The following AGMO variants were observed in gnomAD, a reference collection of about 807,000 sequenced individuals.
AGMO encodes alkylglycerol monooxygenase.
A neutral mutation model predicts 60.2 loss-of-function variants in AGMO; 75 were observed. That is an observed-to-expected ratio of 1.25 (90% CI 1.03 to 1.51). The LOEUF (loss-of-function observed/expected upper bound fraction) is 1.51. Ranked by LOEUF, AGMO falls within the 40% of genes most tolerant of loss-of-function variation. The pLI is 0.00. For missense variants in AGMO, 763 were observed against 525.5 expected (o/e 1.45, Z -4.42); for synonymous variants, 261 against 177.1 (o/e 1.47, Z -3.76).
intron 12 of AGMO, among the ~76,000 whole-genome samples, chr7:15,218,368 G>A (rs1488308216): frequency 1.0e-5 from 1 of 99,152 alleles, no homozygotes; most frequent in Non-Finnish European, 2.2e-5. Flanking sequence ...TGTGTATTTT[G>A]TGAATTTTTG....
chr7:15,233,790 A>G (rs6461162), intron 12 of AGMO, among the ~76,000 whole-genome samples: 99,462 of 152,022 alleles, frequency 0.65, 33,305 homozygotes, highest in African/African-American at 0.79. Context: ...AGTGGCTCAC[A>G]CCTGTAATCC....
intron 12 of AGMO, among the ~76,000 whole-genome samples, chr7:15,218,121 AGAT>A (rs1298613330): frequency 6.6e-6 from 1 of 152,176 alleles, no homozygotes; most frequent in Admixed American, 6.6e-5. Context: ...TAAATGCTGT[AGAT>A]GATAAAAATG....
At chr7:15,243,709 C>T (rs988896716) in intron 12 of AGMO, among the ~76,000 whole-genome samples, 4 of 152,042 alleles carry the variant, frequency 2.6e-5, no homozygotes, top group Non-Finnish European at 4.4e-5. Flanking sequence ...AGTCATCAAA[C>T]CCCAGAAATA....
the AGMO span, among the ~76,000 whole-genome samples, chr7:15,134,175 C>G: frequency 2.6e-5 from 4 of 151,644 alleles, no homozygotes; most frequent in Non-Finnish European, 5.9e-5. Context: ...TTTCTTTTTT[C>G]TTTTCTGAGA....
intron 12 of AGMO, among the ~76,000 whole-genome samples, chr7:15,299,917 TCTTA>T (rs1358288162): frequency 4.6e-5 from 7 of 151,386 alleles, no homozygotes; most frequent in Admixed American, 1.3e-4. Context: ...TATCCTTTCC[TCTTA>T]CTTAGCAGAC....
At chr7:15,369,887 CTG>C (rs746559880) in intron 10 of AGMO, among the ~76,000 whole-genome samples, 9 of 152,170 alleles carry the variant, frequency 5.9e-5, no homozygotes, top group South Asian at 2.1e-4. Flanking sequence ...TTTGGGAAAA[CTG>C]AATCTATTTC....
the AGMO span, among the ~76,000 whole-genome samples, chr7:15,171,342 T>G: frequency 6.6e-6 from 1 of 152,188 alleles, no homozygotes; most frequent in African/African-American, 2.4e-5. Flanking sequence ...ACACATTCTA[T>G]CAAGGGTACA....
chr7:15,350,595 T>G (rs28758258), intron 12 of AGMO, among the ~76,000 whole-genome samples: 33,665 of 151,982 alleles, frequency 0.22, 3,906 homozygotes, highest in African/African-American at 0.25. Flanking sequence ...TTCTCCCAAG[T>G]GAGAATGTTT....
the AGMO span, among the ~76,000 whole-genome samples, chr7:15,179,279 C>G: frequency 6.6e-6 from 1 of 152,074 alleles, no homozygotes; most frequent in Non-Finnish European, 1.5e-5. Context: ...TCATCTGAAT[C>G]AAATATGAGT....
At chr7:15,312,006 A>G (rs1183790815) in intron 12 of AGMO, among the ~76,000 whole-genome samples, 2 of 152,242 alleles carry the variant, frequency 1.3e-5, no homozygotes, top group East Asian at 1.9e-4. Context: ...AGCATTTGTG[A>G]GCTGTTATGA....
At chr7:15,544,718 T>C (rs1454210928) in intron 3 of AGMO, 54 bp downstream of exon 3, 10 of 1,381,682 alleles carry the variant, frequency 7.2e-6, no homozygotes, top group East Asian at 2.5e-5. Context: ...ATATGTACTA[T>C]GTACCAAACA....
intron 3 of AGMO, among the ~76,000 whole-genome samples, chr7:15,499,932 C>CATATAT (rs1554279782): frequency 2.9e-5 from 4 of 138,986 alleles, no homozygotes; most frequent in South Asian, 2.2e-4. Context: ...CACACACACA[C>CATATAT]ATATATATAT....
chr7:15,368,612 A>T (rs980183385), intron 10 of AGMO, among the ~76,000 whole-genome samples: 5 of 152,146 alleles, frequency 3.3e-5, no homozygotes, highest in African/African-American at 1.2e-4. Flanking sequence ...TACTTAAAAG[A>T]GTGTTTGGCA....
At chr7:15,395,492 G>A (rs188524024) in intron 5 of AGMO, among the ~76,000 whole-genome samples, 41 of 152,188 alleles carry the variant, frequency 2.7e-4, no homozygotes, top group Admixed American at 2.4e-3. Flanking sequence ...TATTTTCATT[G>A]GGAGTTATAA....
chr7:15,122,275 C>G, the AGMO span, among the ~76,000 whole-genome samples: 2 of 151,998 alleles, frequency 1.3e-5, no homozygotes, highest in Non-Finnish European at 2.9e-5. Flanking sequence ...CTTTCTTAAT[C>G]TACTTTGTTC....
At chr7:15,367,277 C>A (rs184699753) in intron 10 of AGMO, among the ~76,000 whole-genome samples, 1 of 151,798 alleles carries the variant, frequency 6.6e-6, no homozygotes, top group African/African-American at 2.4e-5. Flanking sequence ...TCTTTTGAAT[C>A]ATTGTAACAA....
At chr7:15,328,676 C>T (rs1163576820) in intron 12 of AGMO, among the ~76,000 whole-genome samples, 1 of 152,106 alleles carries the variant, frequency 6.6e-6, no homozygotes, top group Admixed American at 6.6e-5. Flanking sequence ...GTAGTCAAAC[C>T]AATATTTCTT....
At chr7:15,127,555 C>T in the AGMO span, among the ~76,000 whole-genome samples, 1 of 152,038 alleles carries the variant, frequency 6.6e-6, no homozygotes, top group Non-Finnish European at 1.5e-5. Flanking sequence ...TAATGACTGT[C>T]TCCTTTCAAA....
the AGMO span, among the ~76,000 whole-genome samples, chr7:15,124,909 A>G: frequency 2.8e-4 from 42 of 152,244 alleles, no homozygotes; most frequent in South Asian, 7.2e-3. Flanking sequence ...GCTGCTAACT[A>G]GAACATAGTC....
Sources: gnomAD v4.1 joint callset for allele counts (sites outside exome capture counted in the v4.1 genomes callset) on GRCh38, gnomAD v4.1.1 for gene constraint, MANE v1.5 for transcripts, NCBI Gene and HGNC (gene_info 2026-07-23, HGNC 2026-07-21) for gene names.